Variants in LOX observed in about 807,000 individuals in gnomAD.
LOX encodes the protein lysyl oxidase.
LOX carries 12 observed loss-of-function variants against 50.5 expected under a neutral mutation model. The observed-to-expected ratio is 0.24, with a 90% CI of 0.15 to 0.38. The LOEUF (loss-of-function observed/expected upper bound fraction) is 0.38, where lower values mean the gene tolerates loss of function less well. LOX is among the 10% of genes least tolerant of loss of function. The pLI is 1.00. For missense variants in LOX, 504 were observed against 563.8 expected (o/e 0.89, Z 1.07); for synonymous variants, 254 against 230.6 (o/e 1.10, Z -0.92).
Position 122,076,919 on chromosome 5 carries a change from G to GC in LOX, c.713dup (p.Cys238TrpfsTer21). 6.2e-7 allele frequency: 1 copy of GC among 1,613,998 alleles called. No homozygotes were observed. Among genetic ancestry groups the GC allele is most frequent in the Non-Finnish European group, 8.5e-7 (1 of 1,179,986 alleles). On this transcript the variant is annotated frameshift_variant, in exon 2 of 7. Transcript: ENST00000231004. LOFTEE classifies it high-confidence loss of function. ...TGGCCAGACAGTTTTCCTCCGCCGC[G>GC]CATCTCAGGTTGTACATGGACATCT...
Position 122,065,974 on chromosome 5 carries a change from C to A in LOX, c.*769G>T, listed in dbSNP as rs1460940491. ...ATGGTGATATTAAGAATCCCACTTACAACATCTCTGCCCATGGGAAAGATA... is the reference window on the plus strand; with the variant it reads ...ATGGTGATATTAAGAATCCCACTTAAAACATCTCTGCCCATGGGAAAGATA... On this transcript the variant is annotated 3_prime_UTR_variant, in exon 7 of 7. Coordinates refer to ENST00000231004, the MANE Select transcript of LOX (RefSeq NM_002317.7). 6.6e-6 allele frequency: 1 copy of A among 152,044 alleles called. No homozygotes were observed. Among genetic ancestry groups the A allele is most frequent in the Non-Finnish European group, 1.5e-5 (1 of 67,992 alleles). 9.4% of individuals were successfully genotyped at this position (152,044 alleles called of 1,614,324 possible). A position where few individuals can be genotyped will look rare whatever the true frequency, so the allele number is the denominator to read the frequency against.
intron 6 of LOX, among the ~76,000 whole-genome samples, chr5:122,068,931 G>T (rs1754376536): frequency 6.6e-6 from 1 of 151,952 alleles, no homozygotes; most frequent in African/African-American, 2.4e-5. Flanking sequence ...TGGTGTTCTG[G>T]CGGTGGGGGT....
At position 122,073,436 on chromosome 5, in the gene LOX, C is replaced by T. The variant is rs575753696; in HGVS notation, c.1035+577G>A. Among the ~76,000 whole-genome samples, 5 of 152,240 alleles carry T rather than the reference C, an allele frequency of 3.3e-5. No individual in the cohort carries two copies. In the East Asian group the frequency reaches 9.6e-4, roughly 29 times the overall value. On this transcript the variant is annotated intron_variant, in intron 4 of 6. Coordinates refer to ENST00000231004, the MANE Select transcript of LOX (RefSeq NM_002317.7). ...TTATTTGCATTATTAAAAGAGGCAACTTTTTAAAGTGCTTTTAAAGAAACT... is the reference window on the plus strand; with the variant it reads ...TTATTTGCATTATTAAAAGAGGCAATTTTTTAAAGTGCTTTTAAAGAAACT...
Position 122,078,005 on chromosome 5 carries a change from AC to A in LOX, c.-21del. 7.0e-7 allele frequency: 1 copy of A among 1,438,674 alleles called. No homozygotes were observed. The allele number at this position is 1,438,674 out of a possible 1,614,324, so 89.1% of individuals were successfully genotyped here. On this transcript the variant is annotated 5_prime_UTR_variant, in exon 1 of 7. Coordinates refer to ENST00000231004, the MANE Select transcript of LOX (RefSeq NM_002317.7). ...GCGCATCACTCCTTTTGCCAGATTG[AC>A]CCCGCTCGAGGAGGACGTGGCTCAC...
At position 122,077,166 on chromosome 5, in the gene LOX, T is replaced by A; in HGVS notation, c.632-165A>T. ...GGGGACGCCCGGGACTGCAAAGCAA[T>A]GTGAAAAGGAAGCAGGAGGGGCCAG... On this transcript the variant is annotated intron_variant, in intron 1 of 6. Coordinates refer to ENST00000231004, the MANE Select transcript of LOX (RefSeq NM_002317.7). This position sits in a 1 kb window ranked among gnomAD's most constrained non-coding sequence, Gnocchi z 4.9. 2.1e-6 allele frequency: 3 copies of A among 1,463,046 alleles called. No homozygotes were observed. Among genetic ancestry groups the A allele is most frequent in the Non-Finnish European group, 2.7e-6 (3 of 1,113,286 alleles). 90.6% of individuals were successfully genotyped at this position (1,463,046 alleles called of 1,614,324 possible).
Position 122,074,312 on chromosome 5 carries a change from A to G in LOX, c.879-143T>C, listed in dbSNP as rs1485164314. 4.5e-6 allele frequency: 3 copies of G among 665,862 alleles called. No individual in the cohort carries two copies. The Admixed American group carries it at 8.8e-5, about 20-fold the overall frequency. The allele number at this position is 665,862 out of a possible 1,614,324, so 41.2% of individuals were successfully genotyped here. On this transcript the variant is annotated intron_variant, in intron 3 of 6. Coordinates refer to ENST00000231004, the MANE Select transcript of LOX (RefSeq NM_002317.7). The stretch of plus-strand genomic sequence containing the variant: ...AATTTATCTTCTAAAAGAGAGATTC[A>G]TGCTAGGGTTTTTTTTTCCCCAGGA...
At chr5:122,069,933 T>C (rs774769546) in intron 6 of LOX, 120 bp downstream of exon 6, 1 of 787,396 alleles carries the variant, frequency 1.3e-6, no homozygotes, top group Non-Finnish European at 2.3e-6. Flanking sequence ...TTTTCTGCCT[T>C]TGGTCTGCTT....
chr5:122,077,193 C>T lies in LOX; in HGVS notation c.631+162G>A. 1 of 1,469,574 alleles carries T rather than the reference C, an allele frequency of 6.8e-7. No homozygotes were observed. The highest frequency in any genetic ancestry group is 9.0e-7 in the Non-Finnish European group (1 of 1,115,028). The allele number at this position is 1,469,574 out of a possible 1,614,324, so 91.0% of individuals were successfully genotyped here. A position where few individuals can be genotyped will look rare whatever the true frequency, so the allele number is the denominator to read the frequency against. ...TGAAAAGGAAGCAGGAGGGGCCAGA[C>T]GCGCGGTTTGCACTGGATTCCAGGG... On this transcript the variant is annotated intron_variant, in intron 1 of 6. Transcript: ENST00000231004. The surrounding 1 kb of genome is among the most constrained non-coding windows in gnomAD (Gnocchi z 4.9).
rs891167376 is a variant in LOX at position 122,071,193 on chromosome 5, A to G, written c.1036-604T>C. Among the ~76,000 whole-genome samples, 192 of 149,938 alleles carry G rather than the reference A, an allele frequency of 1.3e-3. 1 individual carries two copies. Among genetic ancestry groups the G allele is most frequent in the African/African-American group, 4.3e-3 (177 of 40,868 alleles). On this transcript the variant is annotated intron_variant, in intron 4 of 6. Transcript: ENST00000231004. ...GGCAGGAACAATCGTAAACATTTAT[A>G]TGTGTGTGTGTGTGTGTGTGTGTGT...
chr5:122,068,589 G>C (rs931812248), intron 6 of LOX, among the ~76,000 whole-genome samples: 2 of 152,250 alleles, frequency 1.3e-5, no homozygotes, highest in South Asian at 2.1e-4. Context: ...CAAGGTGGCA[G>C]ACCTGTACCT....
chr5:122,068,933 G>T (rs777053342), intron 6 of LOX, among the ~76,000 whole-genome samples: 1 of 151,952 alleles, frequency 6.6e-6, no homozygotes, highest in African/African-American at 2.4e-5. Context: ...GTGTTCTGGC[G>T]GTGGGGGTCG....
chr5:122,077,835 T>C lies in LOX; in HGVS notation c.151A>G (p.Asn51Asp), dbSNP rs1380970331. The change falls in exon 1 of 7, where the codon AAC (asparagine) becomes GAC (aspartate). Residue 51 changes from asparagine (N) to aspartate (D), a missense_variant. By Grantham distance (23) the Asn-to-Asp change is conservative. This residue lies in a region of LOX where 398 missense variants were observed against 365.8 expected (regional missense o/e 1.09). Coordinates refer to ENST00000231004, the MANE Select transcript of LOX (RefSeq NM_002317.7). The surrounding 1 kb of genome is among the most constrained non-coding windows in gnomAD (Gnocchi z 4.9). ...CTCAGCAAGCTGAACACCTGCCCGTTGTTCTCCCATTGGATCTGCTGGCGC... is the reference window on the plus strand; with the variant it reads ...CTCAGCAAGCTGAACACCTGCCCGTCGTTCTCCCATTGGATCTGCTGGCGC... ...AWRQQIQWENNGQVFSLLSLG... is the reference protein window; with the variant it reads ...AWRQQIQWENDGQVFSLLSLG... 6.4e-7 allele frequency: 1 copy of C among 1,552,530 alleles called. No individual in the cohort carries two copies. The highest frequency in any genetic ancestry group is 2.4e-5 in the East Asian group (1 of 41,210).
chr5:122,071,858 G>A (rs1754460765), intron 4 of LOX, among the ~76,000 whole-genome samples: 1 of 152,106 alleles, frequency 6.6e-6, no homozygotes, highest in Non-Finnish European at 1.5e-5. Context: ...GGAAGAGCAG[G>A]GGAGAATTGT....
In LOX at chr5:122,077,962, G is replaced by A; in HGVS notation, c.24C>T (p.Leu8=). The part of the protein sequence containing the change: MRFAWTV[L]LLGPLQLCAL... ...CGCAGAGCTGCAAAGGCCCGAGCAG[G>A]AGCACGGTCCAGGCGAAGCGCATCA... Residue 8 remains leucine (L), a synonymous_variant, in exon 1 of 7, where the codon CTC becomes CTT. Coordinates refer to ENST00000231004, the MANE Select transcript of LOX (RefSeq NM_002317.7). This position sits in a 1 kb window ranked among gnomAD's most constrained non-coding sequence, Gnocchi z 4.9. 1.4e-6 allele frequency: 2 copies of A among 1,474,450 alleles called. No homozygotes were observed. Among genetic ancestry groups the A allele is most frequent in the Non-Finnish European group, 1.8e-6 (2 of 1,120,732 alleles). The allele number at this position is 1,474,450 out of a possible 1,614,324, so 91.3% of individuals were successfully genotyped here.
intron 3 of LOX, among the ~76,000 whole-genome samples, 160 bp from the exon 4 acceptor site, chr5:122,074,329 T>C (rs573816569): frequency 3.3e-5 from 5 of 152,304 alleles, no homozygotes; most frequent in African/African-American, 1.2e-4. Context: ...GGTTTTTTTT[T>C]CCCCAGGACA....
intron 6 of LOX, among the ~76,000 whole-genome samples, chr5:122,068,072 C>G (rs1174600681): frequency 1.3e-5 from 2 of 149,570 alleles, no homozygotes; most frequent in African/African-American, 5.0e-5. Context: ...ATTATGATCA[C>G]TAATTATAAT....
In LOX at chr5:122,070,551, G is replaced by A. The variant is rs998926625; in HGVS notation, c.1074C>T (p.Asp358=). 1.2e-6 allele frequency: 2 copies of A among 1,609,112 alleles called. No individual in the cohort carries two copies. The highest frequency in any genetic ancestry group is 1.7e-5 in the Admixed American group (1 of 59,838). ...SPGCYDTYGA[D]IDCQWIDITD... is the part of the protein sequence containing the mutation. ...TAATATCAATCCACTGGCAGTCTAT[G>A]TCTGCACCATAGGTATCATAACAGC... The change falls in exon 5 of 7, where the codon GAC becomes GAT. Residue 358 remains aspartate, a synonymous_variant. Coordinates refer to ENST00000231004, the MANE Select transcript of LOX (RefSeq NM_002317.7).
Position 122,077,900 on chromosome 5 carries a change from T to G in LOX, c.86A>C (p.Gln29Pro), listed in dbSNP as rs768939667. 2 of 1,519,654 alleles carry G rather than the reference T, an allele frequency of 1.3e-6. No individual in the cohort carries two copies. The highest frequency in any genetic ancestry group is 1.4e-5 in the African/African-American group (1 of 69,086). The allele number at this position is 1,519,654 out of a possible 1,614,324, so 94.1% of individuals were successfully genotyped here. A position where few individuals can be genotyped will look rare whatever the true frequency, so the allele number is the denominator to read the frequency against. Residue 29 changes from glutamine (Q) to proline (P), a missense_variant, in exon 1 of 7, where the codon CAG becomes CCG. Physicochemically the swap from Gln to Pro is moderately conservative, Grantham distance 76. Coordinates refer to ENST00000231004, the MANE Select transcript of LOX (RefSeq NM_002317.7). This position sits in a 1 kb window ranked among gnomAD's most constrained non-coding sequence, Gnocchi z 4.9. Reference sequence around the variant, plus strand: ...CGCCGGCGGCTCGCGCGGGGGCTGCTGTTGGCCGGCGGCGGGAGGGGCGCA... The same window carrying G: ...CGCCGGCGGCTCGCGCGGGGGCTGCGGTTGGCCGGCGGCGGGAGGGGCGCA... ...VHCAPPAAGQQQPPREPPAAP... is the reference protein window; with the variant it reads ...VHCAPPAAGQPQPPREPPAAP...
At chr5:122,068,717 G>T (rs748174379) in intron 6 of LOX, among the ~76,000 whole-genome samples, 1 of 151,998 alleles carries the variant, frequency 6.6e-6, no homozygotes, top group Non-Finnish European at 1.5e-5. Context: ...GTGTAATAAG[G>T]CTACAGCAGT....
Sources: allele counts gnomAD v4.1 joint callset (sites outside exome capture counted in the v4.1 genomes callset), GRCh38; gene constraint gnomAD v4.1.1; regional missense constraint gnomAD v4.1.1; non-coding constraint Gnocchi (gnomAD v3.1); transcripts MANE v1.5; gene names NCBI Gene and HGNC (gene_info 2026-07-23, HGNC 2026-07-21).